The following CDH13 variants were observed in gnomAD, a reference collection of about 807,000 sequenced individuals.
CDH13 encodes the protein cadherin-13.
CDH13 carries 24 observed loss-of-function variants against 63.8 expected under a neutral mutation model. The ratio of observed to expected loss-of-function variants is 0.38; its 90% CI spans 0.27 to 0.53. The LOEUF (loss-of-function observed/expected upper bound fraction) is 0.53. Among genes scored for constraint, CDH13 ranks in the 20% least tolerant of loss-of-function variants. The probability of loss-of-function intolerance (pLI) is 0.85; values close to 1 mark genes in which losing one functional copy is unlikely to be tolerated. For missense variants in CDH13, 1,049 were observed against 903.1 expected (o/e 1.16, Z -2.07); for synonymous variants, 503 against 355.3 (o/e 1.42, Z -4.67).
In CDH13 at chr16:83,512,510, A is replaced by C. The variant is rs185820526; in HGVS notation, c.960+25855A>C. Among the ~76,000 whole-genome samples, 3 of 150,954 alleles carry C rather than the reference A, an allele frequency of 2.0e-5. No individual in the cohort carries two copies. In the East Asian group the frequency reaches 5.9e-4, roughly 29 times the overall value. On this transcript the variant is annotated intron_variant, in intron 7 of 13. Coordinates refer to ENST00000567109, the MANE Select transcript of CDH13 (RefSeq NM_001257.5). ...ATGATGAAACCGATCTCTACTAAAA[A>C]TACAAAAATTAGCCAGGTGTGGTGG...
chr16:82,965,981 C>T (rs972131536), intron 2 of CDH13, among the ~76,000 whole-genome samples: 55 of 152,150 alleles, frequency 3.6e-4, no homozygotes, highest in Admixed American at 3.6e-3. Flanking sequence ...ATGAAAATAT[C>T]CCTGTCAGCC....
intron 5 of CDH13, among the ~76,000 whole-genome samples, chr16:83,303,329 G>A (rs188761896): frequency 5.3e-5 from 8 of 152,326 alleles, no homozygotes; most frequent in Non-Finnish European, 7.3e-5. Context: ...CAATAACCCA[G>A]TAGGTCCAGA....
chr16:83,643,160 C>G lies in CDH13; in HGVS notation c.1102-27630C>G, dbSNP rs1911452496. Among the ~76,000 whole-genome samples, 5 of 64,636 alleles carry G rather than the reference C, an allele frequency of 7.7e-5. 1 individual carries two copies. In the South Asian group the frequency reaches 4.5e-3, roughly 58 times the overall value. 42.4% of individuals were successfully genotyped at this position (64,636 alleles called of 152,430 possible). ...GGGTCGGGGGAGGGGGGAGGGATAG[C>G]ATTGGGAGATATACCTAATGCTAGA... is the stretch of plus-strand genomic sequence containing the variant. On this transcript the variant is annotated intron_variant, in intron 8 of 13. Transcript: ENST00000567109.
At chr16:83,418,126 C>G (rs1469126650) in intron 6 of CDH13, among the ~76,000 whole-genome samples, 1 of 152,142 alleles carries the variant, frequency 6.6e-6, no homozygotes, top group Non-Finnish European at 1.5e-5. Context: ...GCTGATTTTG[C>G]TATTCATTAG....
At chr16:83,485,454 G>A (rs534667487) in intron 6 of CDH13, among the ~76,000 whole-genome samples, 74 of 152,134 alleles carry the variant, frequency 4.9e-4, no homozygotes, top group Non-Finnish European at 9.1e-4. Context: ...TATGACTCTT[G>A]CTTGTTTGTG....
intron 3 of CDH13, among the ~76,000 whole-genome samples, chr16:83,110,483 T>C (rs1022276559): frequency 7.2e-5 from 11 of 152,222 alleles, no homozygotes; most frequent in African/African-American, 2.6e-4. Context: ...AGAACACAAA[T>C]GAAAACAGGG....
At position 82,988,905 on chromosome 16, in the gene CDH13, T is replaced by C. The variant is rs538044720; in HGVS notation, c.158-43105T>C. On this transcript the variant is annotated intron_variant, in intron 2 of 13. Transcript: ENST00000567109. ...ACAGAGAGGACATCAGGTCAGAACA[T>C]TCCAAGTGAGACTCTACGTTCCTTG... Among the ~76,000 whole-genome samples the C allele has an allele frequency of 2.0e-3, 297 of 152,236 alleles. 1 individual carries two copies. Among genetic ancestry groups the C allele is most frequent in the Middle Eastern group, 0.017 (5 of 294 alleles).
At chr16:83,247,492 A>G (rs1905089810) in intron 5 of CDH13, among the ~76,000 whole-genome samples, 1 of 15,662 alleles carries the variant, frequency 6.4e-5, no homozygotes, top group South Asian at 4.2e-3. Flanking sequence ...CCATGCTGTC[A>G]CCACTTTTTT....
chr16:83,403,227 C>A (rs1240657888), intron 6 of CDH13, among the ~76,000 whole-genome samples: 4 of 152,144 alleles, frequency 2.6e-5, no homozygotes, highest in Non-Finnish European at 5.9e-5. Flanking sequence ...GACAGATTAG[C>A]AAAGCAGGAG....
chr16:83,356,971 C>G (rs1544813), intron 6 of CDH13, among the ~76,000 whole-genome samples: 87,497 of 152,024 alleles, frequency 0.58, 27,045 homozygotes, highest in African/African-American at 0.81. Flanking sequence ...CTTTCTTGCT[C>G]CAGTTTTCCA....
Position 83,131,182 on chromosome 16 carries a change from A to ACCCCCCCCCCCCCCCCCCCC in CDH13, c.483+5700_483+5701insCCCCCCCCCCCCCCCCCCCC, listed in dbSNP as rs1173636265. ...GGTGGGGAGTATAAGGGGGTGTATG[A>ACCCCCCCCCCCCCCCCCCCC]CCCCCCCCCCCCCCCCCCCGCCCAC... On this transcript the variant is annotated intron_variant, in intron 4 of 13. Coordinates refer to ENST00000567109, the MANE Select transcript of CDH13 (RefSeq NM_001257.5). Among the ~76,000 whole-genome samples, 2 of 86,348 alleles carry ACCCCCCCCCCCCCCCCCCCC rather than the reference A, an allele frequency of 2.3e-5. 1 individual carries two copies. The highest frequency in any genetic ancestry group is 1.4e-4 in the African/African-American group (2 of 14,126). The allele number at this position is 86,348 out of a possible 152,430, so 56.6% of individuals were successfully genotyped here.
At chr16:83,169,032 T>C (rs2037807672) in intron 4 of CDH13, among the ~76,000 whole-genome samples, 1 of 152,176 alleles carries the variant, frequency 6.6e-6, no homozygotes, top group African/African-American at 2.4e-5. Context: ...TGCTTGGAAG[T>C]TGAAATTTGT....
intron 5 of CDH13, among the ~76,000 whole-genome samples, chr16:83,321,564 T>G (rs955134939): frequency 2.2e-5 from 3 of 134,920 alleles, no homozygotes; most frequent in Non-Finnish European, 4.6e-5. Flanking sequence ...AGTCTCACTC[T>G]GTCGCCTAGG....
chr16:83,268,055 C>G (rs1224026084), intron 5 of CDH13, among the ~76,000 whole-genome samples: 1 of 152,192 alleles, frequency 6.6e-6, no homozygotes, highest in Non-Finnish European at 1.5e-5. Context: ...ATGGTGGACA[C>G]TGACACACAC....
chr16:83,451,702 G>C (rs1426764679), intron 6 of CDH13, among the ~76,000 whole-genome samples: 1 of 152,128 alleles, frequency 6.6e-6, no homozygotes, highest in Non-Finnish European at 1.5e-5. Context: ...CTTTTTTGTA[G>C]AGACGAGGTC....
At chr16:83,022,165 G>A (rs1316020924) in intron 2 of CDH13, among the ~76,000 whole-genome samples, 1 of 152,210 alleles carries the variant, frequency 6.6e-6, no homozygotes, top group Non-Finnish European at 1.5e-5. Context: ...CTGTATCCTG[G>A]AAAGAGTCTG....
intron 10 of CDH13, among the ~76,000 whole-genome samples, chr16:83,678,913 A>C (rs1383730655): frequency 6.6e-6 from 1 of 152,236 alleles, no homozygotes; most frequent in East Asian, 1.9e-4. Flanking sequence ...TTGCTCAAGC[A>C]GCCCAGCTTG....
Position 83,678,331 on chromosome 16 carries a change from G to A in CDH13, c.1408G>A (p.Asp470Asn). Residue 470 changes from aspartate to asparagine, a missense_variant, in exon 10 of 14, where the codon GAT becomes AAT. Physicochemically the swap from Asp to Asn is conservative, Grantham distance 23. Transcript: ENST00000567109. The stretch of plus-strand genomic sequence containing the variant: ...AGCCACCGTCCACATCACTGTCCTG[G>A]ATGTCAACGAGGGCCCAGTCTTCTA... ...STATVHITVL[D>N]VNEGPVFYPD... 6.2e-7 allele frequency: 1 copy of A among 1,613,954 alleles called. No individual in the cohort carries two copies. The highest frequency in any genetic ancestry group is 8.5e-7 in the Non-Finnish European group (1 of 1,179,886).
chr16:82,854,923 T>C (rs1344889526), intron 1 of CDH13, among the ~76,000 whole-genome samples: 1 of 152,208 alleles, frequency 6.6e-6, no homozygotes, highest in African/African-American at 2.4e-5. Flanking sequence ...CTTTGGACAA[T>C]GTGTAGCAAA....
Sources: gnomAD v4.1 joint callset for allele counts (sites outside exome capture counted in the v4.1 genomes callset) on GRCh38, gnomAD v4.1.1 for gene constraint, MANE v1.5 for transcripts, NCBI Gene and HGNC (gene_info 2026-07-23, HGNC 2026-07-21) for gene names.